Variants in MTHFD2L observed in about 807,000 individuals in gnomAD.
MTHFD2L encodes the protein bifunctional methylenetetrahydrofolate dehydrogenase/cyclohydrolase 2, mitochondrial.
A neutral mutation model predicts 34.9 loss-of-function variants in MTHFD2L; 29 were observed. The ratio of observed to expected loss-of-function variants is 0.83; its 90% CI spans 0.62 to 1.13. MTHFD2L has a LOEUF of 1.13. Ranked by LOEUF, MTHFD2L falls within the 50% of genes most tolerant of loss-of-function variation. The probability of loss-of-function intolerance (pLI) is 0.00; values close to 1 mark genes in which losing one functional copy is unlikely to be tolerated. For synonymous variants in MTHFD2L, 167 were observed against 155.7 expected (o/e 1.07, Z -0.54); for missense variants, 481 against 446.5 (o/e 1.08, Z -0.70).
Position 74,175,412 on chromosome 4 carries a change from T to G in MTHFD2L, c.451+9T>G. 1 of 1,602,000 alleles carries G rather than the reference T, an allele frequency of 6.2e-7. No homozygotes were observed. The highest frequency in any genetic ancestry group is 8.5e-7 in the Non-Finnish European group (1 of 1,175,766). ...TCAGTTACCACTACCAGGTACATAA[T>G]GCTCCTCTTATTTATCTGATTTTGT... On this transcript the variant is annotated intron_variant, in intron 3 of 7. Transcript: ENST00000325278.
At chr4:74,245,739 G>A (rs1742342487) in intron 6 of MTHFD2L, among the ~76,000 whole-genome samples, 1 of 151,290 alleles carries the variant, frequency 6.6e-6, no homozygotes, top group African/African-American at 2.4e-5. Flanking sequence ...TTGGTTTTTT[G>A]TCCTTGTGAT....
rs147127874 is a variant in MTHFD2L at position 74,286,103 on chromosome 4, A to G, written c.931+4553A>G. ...AAATTGAAGTGCTATTTTGTTTTGT[A>G]TTGATTTCCAGTTACAGAACTTGAC... On this transcript the variant is annotated intron_variant, in intron 7 of 7. Transcript: ENST00000325278. 6.1e-3 allele frequency among the ~76,000 whole-genome samples: 921 copies of G among 152,230 alleles called. 10 individuals carry two copies. The highest frequency in any genetic ancestry group is 0.021 in the African/African-American group (865 of 41,548).
intron 3 of MTHFD2L, among the ~76,000 whole-genome samples, chr4:74,189,777 CT>C (rs1381360617): frequency 6.6e-5 from 10 of 151,876 alleles, no homozygotes; most frequent in Non-Finnish European, 1.5e-4. Context: ...GAACAAGTTA[CT>C]TTTTTATTTT....
chr4:74,164,274 T>G (rs1186894532), intron 1 of MTHFD2L, among the ~76,000 whole-genome samples: 1 of 152,242 alleles, frequency 6.6e-6, no homozygotes, highest in Non-Finnish European at 1.5e-5. Flanking sequence ...ATTTGCCAAG[T>G]ATACGAATTA....
intron 1 of MTHFD2L, among the ~76,000 whole-genome samples, chr4:74,135,512 A>T (rs1374726197): frequency 6.6e-6 from 1 of 152,150 alleles, no homozygotes; most frequent in Non-Finnish European, 1.5e-5. Flanking sequence ...CATAATAAAA[A>T]GTCTCCCATC....
chr4:74,188,688 A>G (rs1169562563), intron 3 of MTHFD2L, among the ~76,000 whole-genome samples: 2 of 150,292 alleles, frequency 1.3e-5, no homozygotes, highest in Non-Finnish European at 3.0e-5. Flanking sequence ...GTATATATAT[A>G]TATGTGTATG....
At chr4:74,292,494 GA>G (rs1749082527) in intron 7 of MTHFD2L, among the ~76,000 whole-genome samples, 1 of 151,860 alleles carries the variant, frequency 6.6e-6, no homozygotes, top group African/African-American at 2.4e-5. Flanking sequence ...AAGAGATTTG[GA>G]GAGTACTCCA....
At position 74,214,990 on chromosome 4, in the gene MTHFD2L, C is replaced by T. The variant is rs1295612753; in HGVS notation, c.713-10312C>T. Among the ~76,000 whole-genome samples, 2 of 151,770 alleles carry T rather than the reference C, an allele frequency of 1.3e-5. 1 individual carries two copies. Among genetic ancestry groups the T allele is most frequent in the African/African-American group, 4.9e-5 (2 of 41,094 alleles). Reference sequence around the variant, plus strand: ...TCAAACTTCCTGGTGGCTTTGTTTACACTGTGAGGGGAAAACTGCCTACTC... The same window carrying T: ...TCAAACTTCCTGGTGGCTTTGTTTATACTGTGAGGGGAAAACTGCCTACTC... On this transcript the variant is annotated intron_variant, in intron 5 of 7. Coordinates refer to ENST00000325278, the MANE Select transcript of MTHFD2L (RefSeq NM_001144978.3).
intron 7 of MTHFD2L, among the ~76,000 whole-genome samples, chr4:74,294,167 C>A (rs577729886): frequency 6.6e-6 from 1 of 152,048 alleles, no homozygotes; most frequent in African/African-American, 2.4e-5. Context: ...TTCTCCACTC[C>A]AAAAATAAAT....
chr4:74,235,675 A>T (rs1160615360), intron 6 of MTHFD2L, among the ~76,000 whole-genome samples: 1 of 152,032 alleles, frequency 6.6e-6, no homozygotes, highest in Non-Finnish European at 1.5e-5. Flanking sequence ...ACATCTTTGA[A>T]GTGTGTTGGT....
At chr4:74,158,454 G>T (rs959626531) in intron 1 of MTHFD2L, 173 bp downstream of exon 1, 12 of 294,586 alleles carry the variant, frequency 4.1e-5, no homozygotes, top group Non-Finnish European at 6.2e-5. Context: ...CGGGCGAGTC[G>T]CAGTTGCCTC....
intron 1 of MTHFD2L, among the ~76,000 whole-genome samples, chr4:74,145,433 G>A (rs181063934): frequency 2.8e-4 from 42 of 152,142 alleles, no homozygotes; most frequent in African/African-American, 8.2e-4. Context: ...GGTATCTGTC[G>A]GGGAGGCAGG....
At chr4:74,134,898 G>A (rs1421101178) in intron 1 of MTHFD2L, among the ~76,000 whole-genome samples, 1 of 151,818 alleles carries the variant, frequency 6.6e-6, no homozygotes, top group Non-Finnish European at 1.5e-5. Context: ...AAGACTGGCT[G>A]TTAAAAAATA....
intron 1 of MTHFD2L, among the ~76,000 whole-genome samples, chr4:74,141,822 C>G (rs1315921853): frequency 6.6e-6 from 1 of 151,932 alleles, no homozygotes; most frequent in Non-Finnish European, 1.5e-5. Flanking sequence ...ACTTGGAGGA[C>G]AGTGGAAAAA....
At chr4:74,156,699 A>G (rs1419949701), upstream of MTHFD2L, 1 of 152,204 alleles carries the variant, frequency 6.6e-6, no homozygotes, top group Non-Finnish European at 1.5e-5. Context: ...CTGTTGCCAC[A>G]CATCCTTGCC....
chr4:74,211,864 C>G (rs1736382488), intron 5 of MTHFD2L, among the ~76,000 whole-genome samples: 1 of 151,674 alleles, frequency 6.6e-6, no homozygotes, highest in South Asian at 2.1e-4. Context: ...AATTTCAGAA[C>G]TTGTTATTGG....
chr4:74,185,456 C>CA (rs1033311822), intron 3 of MTHFD2L, among the ~76,000 whole-genome samples: 2 of 151,200 alleles, frequency 1.3e-5, no homozygotes, highest in South Asian at 4.2e-4. Flanking sequence ...AACATAAAAA[C>CA]AAAAAAAGAA....
chr4:74,119,661 T>C (rs1721717627), upstream of MTHFD2L, among the ~76,000 whole-genome samples: 1 of 152,022 alleles, frequency 6.6e-6, no homozygotes, highest in Non-Finnish European at 1.5e-5. Flanking sequence ...CGGGTGTCTG[T>C]AGTCCCAGCT....
chr4:74,205,846 G>C (rs1735201317), intron 5 of MTHFD2L, among the ~76,000 whole-genome samples: 1 of 151,274 alleles, frequency 6.6e-6, no homozygotes, highest in Non-Finnish European at 1.5e-5. Flanking sequence ...GGAACAAGGG[G>C]ATATGATATA....
Sources: gnomAD v4.1 joint callset for allele counts (sites outside exome capture counted in the v4.1 genomes callset) on GRCh38, gnomAD v4.1.1 for gene constraint, MANE v1.5 for transcripts, NCBI Gene and HGNC (gene_info 2026-07-23, HGNC 2026-07-21) for gene names.